Variants in ANKHD1 observed in about 807,000 individuals in gnomAD.
ANKHD1 encodes ankyrin repeat and KH domain-containing protein 1.
Under a neutral mutation model 230.5 loss-of-function variants are expected in ANKHD1, and 31 were observed. The observed-to-expected ratio is 0.13, with a 90% confidence interval of 0.10 to 0.18. The LOEUF is 0.18. Among genes scored for constraint, ANKHD1 ranks in the 10% least tolerant of loss-of-function variants. ANKHD1 has a pLI of 1.00. For synonymous variants in ANKHD1, 1,074 were observed against 1,117.6 expected, an observed-to-expected ratio of 0.96 and a Z score of 0.78; for missense variants, 2,256 against 3,071.3, an observed-to-expected ratio of 0.73 and a Z score of 6.27.
chr5:140,409,095 G>T (rs936777360), intron 1 of ANKHD1, among the ~76,000 whole-genome samples: 21 of 152,244 alleles, frequency 1.4e-4, no homozygotes, highest in African/African-American at 5.1e-4. Context: ...ATCACTCCTG[G>T]TTGAGAGCTA....
chr5:140,539,233 C>T, intron 33 of ANKHD1, 126 bp from the exon 34 acceptor site: 1 of 1,542,944 alleles, frequency 6.5e-7, no homozygotes, highest in Non-Finnish European at 8.7e-7. Flanking sequence ...CTACTGAACA[C>T]TTTATTTAAT....
chr5:140,512,676 G>T, intron 22 of ANKHD1, 152 bp from the exon 23 acceptor site: 4 of 544,940 alleles, frequency 7.3e-6, no homozygotes, highest in Non-Finnish European at 9.4e-6. Flanking sequence ...ATTCTATTTG[G>T]AAGTATTTGC....
intron 24 of ANKHD1, 138 bp downstream of exon 24, chr5:140,513,617 T>C: frequency 1.3e-6 from 1 of 759,156 alleles, no homozygotes; most frequent in Non-Finnish European, 2.0e-6. Context: ...AAGACCAGCC[T>C]TGCTAACAAG....
chr5:140,520,769 G>T (rs1023399507), intron 24 of ANKHD1, among the ~76,000 whole-genome samples: 7 of 139,036 alleles, frequency 5.0e-5, no homozygotes, highest in African/African-American at 1.8e-4. Flanking sequence ...TCACACTCTG[G>T]GGACTGTTGT....
At chr5:140,424,649 G>A (rs957984444) in intron 1 of ANKHD1, among the ~76,000 whole-genome samples, 1 of 152,174 alleles carries the variant, frequency 6.6e-6, no homozygotes, top group Non-Finnish European at 1.5e-5. Flanking sequence ...AGGGATTTTA[G>A]CCAAAGGAGT....
At chr5:140,440,073 C>T in intron 3 of ANKHD1, 46 bp from the exon 4 acceptor site, 1 of 1,505,236 alleles carries the variant, frequency 6.6e-7, no homozygotes, top group Non-Finnish European at 8.9e-7. Flanking sequence ...CATAGGACCC[C>T]CGAGTCTTTT....
chr5:140,402,101 G>C lies in ANKHD1; in HGVS notation c.134G>C (p.Arg45Thr). The change falls in exon 1 of 34, where the codon AGG becomes ACG. Residue 45 changes from arginine (R) to threonine (T), a missense_variant. Transcript: ENST00000360839. ...GGVGLGIRTV[R>T]LFGEAGPASG... ...GTCGGTCTGGGGATCCGCACCGTGA[G>C]GCTCTTTGGGGAGGCCGGGCCAGCG... The C allele has an allele frequency of 6.6e-7, 1 of 1,525,568 alleles. No individual in the cohort carries two copies. 94.5% of individuals were successfully genotyped at this position (1,525,568 alleles called of 1,614,324 possible).
intron 24 of ANKHD1, among the ~76,000 whole-genome samples, chr5:140,516,650 A>C (rs1478696706): frequency 1.3e-5 from 2 of 152,190 alleles, no homozygotes; most frequent in African/African-American, 4.8e-5. Flanking sequence ...TTCTTAAAGA[A>C]AAGAATTTTC....
chr5:140,418,749 G>A (rs1175130679), intron 1 of ANKHD1, among the ~76,000 whole-genome samples: 2 of 152,030 alleles, frequency 1.3e-5, no homozygotes, highest in African/African-American at 2.4e-5. Flanking sequence ...TTTTGCTTTT[G>A]AGTCCGAGTC....
rs141782269 is a variant in ANKHD1, at chr5:140,452,587, G to A, written c.1242+3282G>A. 1.9e-4 allele frequency among the ~76,000 whole-genome samples: 29 copies of A among 152,238 alleles called. No homozygotes were observed. In the East Asian group the frequency reaches 4.6e-3, roughly 24 times the overall value. ...CAATATTCACTGTTCTGCTGCCTCCGCTGCTGATACCCAGGCAAACGGTCT... is the reference window on the plus strand; with the variant it reads ...CAATATTCACTGTTCTGCTGCCTCCACTGCTGATACCCAGGCAAACGGTCT... On this transcript the variant is annotated intron_variant, in intron 7 of 33. Transcript: ENST00000360839.
At chr5:140,433,436 CT>C (rs1426405788) in intron 1 of ANKHD1, among the ~76,000 whole-genome samples, 2 of 152,194 alleles carry the variant, frequency 1.3e-5, no homozygotes, top group African/African-American at 4.8e-5. Flanking sequence ...ACCTCTACCC[CT>C]ATGTCTAACT....
chr5:140,405,152 G>C (rs560225494), intron 1 of ANKHD1, among the ~76,000 whole-genome samples: 6 of 152,224 alleles, frequency 3.9e-5, no homozygotes, highest in Non-Finnish European at 8.8e-5. Context: ...CCTAATGTTA[G>C]AAGAGCCCCA....
chr5:140,463,964 T>A (rs1775903303), intron 9 of ANKHD1, among the ~76,000 whole-genome samples: 1 of 151,960 alleles, frequency 6.6e-6, no homozygotes, highest in Non-Finnish European at 1.5e-5. Context: ...TGAGCCACCA[T>A]GCCTGGCTAG....
intron 1 of ANKHD1, among the ~76,000 whole-genome samples, chr5:140,426,514 T>A (rs1432119739): frequency 6.6e-6 from 1 of 151,850 alleles, no homozygotes; most frequent in Non-Finnish European, 1.5e-5. Flanking sequence ...ATTTATTTAT[T>A]TATTTATTTA....
At chr5:140,488,954 G>A (rs574600412) in intron 14 of ANKHD1, among the ~76,000 whole-genome samples, 22 of 152,060 alleles carry the variant, frequency 1.4e-4, no homozygotes, top group Admixed American at 3.9e-4. Context: ...ACTTTGGCAG[G>A]CCAGGTGGGC....
rs147697854 is a variant in ANKHD1, at chr5:140,520,854, G to A, written c.4318-3212G>A. ...TAGATGACGAGTTAATGGGTGCAGC[G>A]CACCAGCATGGCACATGTATACATA... On this transcript the variant is annotated intron_variant, in intron 24 of 33. Transcript: ENST00000360839. Among the ~76,000 whole-genome samples, 102 of 148,636 alleles carry A rather than the reference G, an allele frequency of 6.9e-4. 1 individual carries two copies. In the East Asian group the frequency reaches 0.014, roughly 20 times the overall value.
At position 140,497,030 on chromosome 5, in the gene ANKHD1, C is replaced by T. The variant is rs1752067934; in HGVS notation, c.2756C>T (p.Ala919Val). The T allele has an allele frequency of 6.2e-7, 1 of 1,614,024 alleles. No homozygotes were observed. The highest frequency in any genetic ancestry group is 1.3e-5 in the African/African-American group (1 of 74,922). The change falls in exon 15 of 34, where the codon GCA (alanine) becomes GTA (valine). Residue 919 changes from alanine to valine, a missense_variant. Physicochemically the swap from Ala to Val is moderately conservative, Grantham distance 64. This residue lies in a region of ANKHD1 where 358 missense variants were observed against 397.7 expected (regional missense o/e 0.90). Transcript: ENST00000360839. ...GATGAGCAACAGTCTCCACCATCGG[C>T]AGAACAGATTGATTTTGTCCCAGTC... The part of the protein sequence containing the change: ...VDDEQQSPPS[A>V]EQIDFVPVQP...
chr5:140,512,697 T>C (rs1018302856), intron 22 of ANKHD1, 131 bp from the exon 23 acceptor site: 2 of 705,498 alleles, frequency 2.8e-6, no homozygotes, highest in Admixed American at 3.8e-5. Flanking sequence ...CTTTTTATTC[T>C]TAAATTGGTA....
chr5:140,431,484 ATTATAT>A (rs1437552979), intron 1 of ANKHD1, among the ~76,000 whole-genome samples: 1 of 152,244 alleles, frequency 6.6e-6, no homozygotes, highest in East Asian at 1.9e-4. Context: ...TGTTCTAAAA[ATTATAT>A]TTATATGGTG....
Sources: gnomAD v4.1 joint callset for allele counts (sites outside exome capture counted in the v4.1 genomes callset) on GRCh38, gnomAD v4.1.1 for gene constraint, gnomAD v4.1.1 regional missense constraint, MANE v1.5 for transcripts, NCBI Gene and HGNC (gene_info 2026-07-23, HGNC 2026-07-21) for gene names.